VWF: variants seen among roughly 807,000 people sequenced by gnomAD.
VWF encodes the protein Factor VIII related antigen.
In VWF, 176 loss-of-function variants were observed where a neutral mutation model predicts 308.6. The observed-to-expected ratio is 0.57, with a 90% CI of 0.50 to 0.65. The LOEUF (loss-of-function observed/expected upper bound fraction) is 0.65, where lower values mean the gene tolerates loss of function less well. VWF is among the 30% of genes least tolerant of loss of function. The pLI is 0.00. For synonymous variants in VWF, 1,385 were observed against 1,443.4 expected, an observed-to-expected ratio of 0.96 and a Z score of 0.92; for missense variants, 3,146 against 3,648.2, an observed-to-expected ratio of 0.86 and a Z score of 3.55.
At chr12:5,983,794 G>GATAGATAGATAGATAGAT (rs1555191860) in intron 40 of VWF, among the ~76,000 whole-genome samples, 1 of 148,656 alleles carries the variant, frequency 6.7e-6, no homozygotes, top group South Asian at 2.2e-4. Context: ...AGATACAATA[G>GATAGATAGATAGATAGAT]AGATAGATAG....
intron 34 of VWF, among the ~76,000 whole-genome samples, chr12:5,998,931 G>T (rs1210761799): frequency 3.3e-5 from 5 of 152,132 alleles, no homozygotes; most frequent in Non-Finnish European, 5.9e-5. Flanking sequence ...GTTTCACCAT[G>T]TTGGCCAGGC....
rs61750615 is a variant in VWF at position 5,994,484 on chromosome 12, G to A, written c.6187C>T (p.Pro2063Ser). 16,179 of 1,614,142 alleles carry A rather than the reference G, an allele frequency of 0.01. 208 individuals are homozygous for A. Among genetic ancestry groups the A allele is most frequent in the South Asian group, 0.048 (4,353 of 91,066 alleles). The change falls in exon 36 of 52, where the codon CCA (proline) becomes TCA (serine). Residue 2063 changes from proline (P) to serine (S), a missense_variant. This residue lies in a region of VWF where 989 missense variants were observed against 1,117.4 expected (regional missense o/e 0.89). Coordinates refer to ENST00000261405, the MANE Select transcript of VWF (RefSeq NM_000552.5). ...TGCAGTTGGAACTCATTGTTTTGTG[G>A]AGTGAATGTGAAGATGTGACCAAGG... ...NHLGHIFTFT[P>S]QNNEFQLQLS...
intron 3 of VWF, among the ~76,000 whole-genome samples, chr12:6,118,376 CTTTTTTTTTTTTTTT>C (rs71064189): frequency 7.6e-5 from 5 of 65,514 alleles, no homozygotes; most frequent in South Asian, 6.1e-4. Flanking sequence ...CCTCTGGTCA[CTTTTTTTTTTTTTTT>C]TTTTTTTTTT....
chr12:6,021,769 T>C lies in VWF; in HGVS notation c.3674+131A>G, dbSNP rs1591864783. 12 of 1,118,088 alleles carry C rather than the reference T, an allele frequency of 1.1e-5. No individual in the cohort carries two copies. The East Asian group carries it at 2.6e-4, about 25-fold the overall frequency. 69.3% of individuals were successfully genotyped at this position (1,118,088 alleles called of 1,614,324 possible). On this transcript the variant is annotated intron_variant, in intron 27 of 51. Transcript: ENST00000261405. ...TACATTAAATAATGAATTAAATAAA[T>C]AAACAAATAAAATAAACTCAGTCTC...
intron 41 of VWF, among the ~76,000 whole-genome samples, chr12:5,982,758 G>A (rs216869): frequency 2.6e-5 from 4 of 152,124 alleles, no homozygotes; most frequent in African/African-American, 4.8e-5. Context: ...CTTCAGAGGC[G>A]AAAAACTATA....
chr12:6,109,464 C>A (rs1643144223), intron 5 of VWF, among the ~76,000 whole-genome samples: 1 of 152,074 alleles, frequency 6.6e-6, no homozygotes, highest in Non-Finnish European at 1.5e-5. Flanking sequence ...ATGCTATTTT[C>A]CAATATGGTA....
intron 5 of VWF, among the ~76,000 whole-genome samples, chr12:6,100,371 A>AT (rs1945148775): frequency 6.7e-6 from 1 of 148,716 alleles, no homozygotes; most frequent in Non-Finnish European, 1.5e-5. Flanking sequence ...ATACCATTTG[A>AT]CCCAGCCATC....
At chr12:6,113,590 T>G (rs1419414327) in intron 3 of VWF, among the ~76,000 whole-genome samples, 2 of 152,174 alleles carry the variant, frequency 1.3e-5, no homozygotes, top group African/African-American at 4.8e-5. Flanking sequence ...CACCGTGCCC[T>G]GCAAAGTAAC....
At chr12:5,970,257 C>T (rs1170030738) in intron 44 of VWF, among the ~76,000 whole-genome samples, 1 of 152,178 alleles carries the variant, frequency 6.6e-6, no homozygotes, top group Non-Finnish European at 1.5e-5. Context: ...ATTGCCACCA[C>T]CCCCCGCTGA....
At chr12:6,092,534 T>TGC (rs1376156212) in intron 6 of VWF, among the ~76,000 whole-genome samples, 13 of 150,822 alleles carry the variant, frequency 8.6e-5, no homozygotes, top group South Asian at 2.1e-4. Flanking sequence ...TGTGTGTGTG[T>TGC]GCACGCGCGT....
In VWF at chr12:6,064,227, G is replaced by A; in HGVS notation, c.1432+19C>T. Reference sequence around the variant, plus strand: ...GGGCTGTGCCAGCCCCAGGCCTGATGGAGCAGGACGAAGCATACCTTTCAG... The same window carrying A: ...GGGCTGTGCCAGCCCCAGGCCTGATAGAGCAGGACGAAGCATACCTTTCAG... On this transcript the variant is annotated intron_variant, in intron 12 of 51. Transcript: ENST00000261405. The A allele has an allele frequency of 6.2e-7, 1 of 1,614,082 alleles. No homozygotes were observed. Among genetic ancestry groups the A allele is most frequent in the South Asian group, 1.1e-5 (1 of 91,078 alleles).
chr12:6,051,759 A>G (rs1197832418), intron 16 of VWF, among the ~76,000 whole-genome samples: 1 of 152,072 alleles, frequency 6.6e-6, no homozygotes, highest in East Asian at 1.9e-4. Context: ...ACAGGTATGC[A>G]CCACCATGGC....
At chr12:6,101,586 C>T (rs1050352787) in intron 5 of VWF, among the ~76,000 whole-genome samples, 1 of 151,286 alleles carries the variant, frequency 6.6e-6, no homozygotes, top group Non-Finnish European at 1.5e-5. Context: ...ACCAGCCTGG[C>T]CGATATGGTG....
chr12:6,097,979 T>G (rs150554420), intron 5 of VWF, among the ~76,000 whole-genome samples: 1 of 152,224 alleles, frequency 6.6e-6, no homozygotes, highest in Non-Finnish European at 1.5e-5. Context: ...ATTCCTTATG[T>G]GCAAATAAGG....
At chr12:5,969,182 C>A in intron 45 of VWF, 29 bp downstream of exon 45, 2 of 1,597,642 alleles carry the variant, frequency 1.3e-6, no homozygotes, top group South Asian at 2.2e-5. Context: ...GGTGCCCGGT[C>A]CAGCCCAGCC....
rs534377998 is a variant in VWF, at chr12:6,025,961, G to C, written c.3053C>G (p.Pro1018Arg). 1 of 1,614,004 alleles carries C rather than the reference G, an allele frequency of 6.2e-7. No homozygotes were observed. The highest frequency in any genetic ancestry group is 1.1e-5 in the South Asian group (1 of 91,074). The change falls in exon 23 of 52, where the codon CCT becomes CGT. Residue 1018 changes from proline to arginine, a missense_variant. Transcript: ENST00000261405. ...TSSNLQVEEDPVDFGNSWKVS... is the reference protein window; with the variant it reads ...TSSNLQVEEDRVDFGNSWKVS... ...TTTCCAGGAGTTCCCAAAGTCCACA[G>C]GGTCTTCCTCCACTTGGAGGTTGCT...
rs569321162 is a variant in VWF at position 6,057,205 on chromosome 12, A to G, written c.1730-133T>C. 5.3e-6 allele frequency: 4 copies of G among 754,150 alleles called. No homozygotes were observed. In the East Asian group the frequency reaches 1.2e-4, roughly 22 times the overall value. The allele number at this position is 754,150 out of a possible 1,614,324, so 46.7% of individuals were successfully genotyped here. A position where few individuals can be genotyped will look rare whatever the true frequency, so the allele number is the denominator to read the frequency against. ...GCAAGGTCACGCAGAGAAATCTGCA[A>G]ATGCCACCCCCACCCCCAAGTCCAT... On this transcript the variant is annotated intron_variant, in intron 14 of 51. Coordinates refer to ENST00000261405, the MANE Select transcript of VWF (RefSeq NM_000552.5).
intron 6 of VWF, among the ~76,000 whole-genome samples, chr12:6,079,508 G>A (rs1012651133): frequency 1.3e-5 from 2 of 152,242 alleles, no homozygotes; most frequent in Non-Finnish European, 2.9e-5. Context: ...TATTCGGGAG[G>A]CTGAGGCAGG....
chr12:5,990,054 G>C (rs1407645312), intron 38 of VWF, among the ~76,000 whole-genome samples: 3 of 152,222 alleles, frequency 2.0e-5, no homozygotes, highest in Non-Finnish European at 4.4e-5. Context: ...TTGGCAAGTT[G>C]AAATATGGCA....
Sources: allele counts gnomAD v4.1 joint callset (sites outside exome capture counted in the v4.1 genomes callset), GRCh38; gene constraint gnomAD v4.1.1; regional missense constraint gnomAD v4.1.1; transcripts MANE v1.5; gene names NCBI Gene and HGNC (gene_info 2026-07-23, HGNC 2026-07-21).